EML6: variants seen among roughly 807,000 people sequenced by gnomAD.
EML6 encodes echinoderm microtubule-associated protein-like 6.
In EML6, 154 loss-of-function variants were observed where a neutral mutation model predicts 240.1. That is an observed-to-expected ratio of 0.64 (90% CI 0.56 to 0.73). The LOEUF is 0.73. Among genes scored for constraint, EML6 ranks in the 30% least tolerant of loss-of-function variants. EML6 has a pLI of 0.00. For synonymous variants in EML6, 1,148 were observed against 899.0 expected (o/e 1.28, Z -4.95); for missense variants, 2,964 against 2,474.6 (o/e 1.20, Z -4.20).
chr2:54,799,055 C>A (rs776163349), intron 2 of EML6, among the ~76,000 whole-genome samples: 2 of 151,988 alleles, frequency 1.3e-5, no homozygotes, highest in Non-Finnish European at 2.9e-5. Context: ...CTTTATTCTG[C>A]TATATATTCT....
chr2:54,731,614 C>CA (rs59545974), intron 2 of EML6, among the ~76,000 whole-genome samples: 48,997 of 148,776 alleles, frequency 0.33, 9,447 homozygotes, highest in African/African-American at 0.54. Context: ...AAGACCCTGT[C>CA]AAAAAAAATA....
At chr2:54,848,524 T>TACACACACACACACACAC (rs59587579) in intron 9 of EML6, among the ~76,000 whole-genome samples, 18,733 of 145,596 alleles carry the variant, frequency 0.13, 1,264 homozygotes, top group South Asian at 0.16. Context: ...GCTTCCACAC[T>TACACACACACACACACAC]ACACACACAC....
intron 10 of EML6, among the ~76,000 whole-genome samples, chr2:54,850,626 G>T (rs1670027232): frequency 6.6e-6 from 1 of 151,752 alleles, no homozygotes; most frequent in African/African-American, 2.4e-5. Context: ...ACCAATAAAA[G>T]ACTAGGAATC....
chr2:54,731,365 A>G (rs1488737290), intron 2 of EML6, among the ~76,000 whole-genome samples: 1 of 152,162 alleles, frequency 6.6e-6, no homozygotes, highest in Non-Finnish European at 1.5e-5. Flanking sequence ...CAGAAATATG[A>G]GTCCAGGCTC....
In EML6 at chr2:54,954,030, C is replaced by T. The variant is rs1676114230; in HGVS notation, c.4360C>T (p.Leu1454Phe). The part of the protein sequence containing the change: ...HIWDAMTKHT[L>F]SMLRCFHSKG... Reference sequence around the variant, plus strand: ...ATGGGACGCCATGACCAAACACACCCTCTCCATGCTGCGGTGCTTCCACTC... The same window carrying T: ...ATGGGACGCCATGACCAAACACACCTTCTCCATGCTGCGGTGCTTCCACTC... Residue 1454 changes from leucine to phenylalanine, a missense_variant, in exon 32 of 42, where the codon CTC becomes TTC. Coordinates refer to ENST00000356458, the MANE Select transcript of EML6 (RefSeq NM_001039753.4). 1 of 1,551,930 alleles carries T rather than the reference C, an allele frequency of 6.4e-7. No homozygotes were observed. Among genetic ancestry groups the T allele is most frequent in the African/African-American group, 1.4e-5 (1 of 73,036 alleles).
At chr2:54,754,554 T>C (rs767420434) in intron 2 of EML6, among the ~76,000 whole-genome samples, 7 of 152,232 alleles carry the variant, frequency 4.6e-5, no homozygotes, top group Non-Finnish European at 1.0e-4. Context: ...CTTATTGATA[T>C]ATATGAGTTA....
chr2:54,920,508 C>CT (rs1236568076), intron 26 of EML6, among the ~76,000 whole-genome samples: 2 of 152,148 alleles, frequency 1.3e-5, no homozygotes, highest in Non-Finnish European at 2.9e-5. Context: ...GAGATTGAAT[C>CT]TGTAATCAAG....
At chr2:54,926,957 A>T (rs1465585800) in intron 26 of EML6, among the ~76,000 whole-genome samples, 6 of 152,196 alleles carry the variant, frequency 3.9e-5, no homozygotes, top group Non-Finnish European at 7.4e-5. Context: ...CTGTAAAGAA[A>T]CAGCTTGCAT....
chr2:54,816,994 T>C (rs543673834), intron 4 of EML6, 109 bp downstream of exon 4: 1 of 693,456 alleles, frequency 1.4e-6, no homozygotes, highest in South Asian at 1.8e-5. Context: ...AGTATACATT[T>C]TTTCCTATTA....
intron 21 of EML6, among the ~76,000 whole-genome samples, chr2:54,896,460 C>G (rs1476417417): frequency 2.0e-5 from 3 of 151,978 alleles, no homozygotes; most frequent in Non-Finnish European, 4.4e-5. Context: ...CTTTTAGGAG[C>G]CAAGAAATGA....
At chr2:54,758,872 A>G (rs1667854735) in intron 2 of EML6, among the ~76,000 whole-genome samples, 1 of 152,080 alleles carries the variant, frequency 6.6e-6, no homozygotes, top group South Asian at 2.1e-4. Flanking sequence ...TTCATAGAGC[A>G]ATGTAGGGTA....
intron 26 of EML6, among the ~76,000 whole-genome samples, chr2:54,921,585 A>C (rs1674256307): frequency 6.6e-6 from 1 of 152,162 alleles, no homozygotes; most frequent in Non-Finnish European, 1.5e-5. Flanking sequence ...AACAACCTTA[A>C]AATGTGTATG....
At chr2:54,762,836 G>A (rs79747400) in intron 2 of EML6, among the ~76,000 whole-genome samples, 3,651 of 152,136 alleles carry the variant, frequency 0.024, 146 homozygotes, top group African/African-American at 0.083. Flanking sequence ...TCTTTTAGTG[G>A]GACTGGTATT....
At chr2:54,796,819 A>G (rs1342910328) in intron 2 of EML6, among the ~76,000 whole-genome samples, 1 of 152,044 alleles carries the variant, frequency 6.6e-6, no homozygotes, top group African/African-American at 2.4e-5. Context: ...GCTATTATAG[A>G]GGGTTAAGTG....
At position 54,924,783 on chromosome 2, in the gene EML6, G is replaced by A. The variant is rs185937954; in HGVS notation, c.3676-3530G>A. Among the ~76,000 whole-genome samples the A allele has an allele frequency of 7.1e-3, 1,083 of 152,174 alleles. 8 individuals carry two copies. The highest frequency in any genetic ancestry group is 0.013 in the Admixed American group (199 of 15,284). The stretch of plus-strand genomic sequence containing the variant: ...TCGCCGTGTTGGCCAGACTGGTCTC[G>A]AACTCCTGACCTCAGGTGATCCACC... On this transcript the variant is annotated intron_variant, in intron 26 of 41. Coordinates refer to ENST00000356458, the MANE Select transcript of EML6 (RefSeq NM_001039753.4).
chr2:54,863,963 A>G, intron 13 of EML6, 74 bp downstream of exon 13: 1 of 761,546 alleles, frequency 1.3e-6, no homozygotes, highest in Non-Finnish European at 2.1e-6. Context: ...ACATAGCACT[A>G]AAAATGACTG....
chr2:54,960,395 C>CCAGCCGGCA, intron 35 of EML6, 61 bp downstream of exon 35: 2 of 1,238,522 alleles, frequency 1.6e-6, no homozygotes, highest in East Asian at 5.1e-5. Context: ...AGGTACCCTC[C>CCAGCCGGCA]CAGCCGGCAC....
At position 54,816,812 on chromosome 2, in the gene EML6, C is replaced by T; in HGVS notation, c.383C>T (p.Ala128Val). ...CGTTTAGCCTCTGTGGGGTTGGATG[C>T]CAAAAACACAGTCTGCATTTGGGAC... ...GQRLASVGLD[A>V]KNTVCIWDWR... Residue 128 changes from alanine (A) to valine (V), a missense_variant, in exon 4 of 42, where the codon GCC becomes GTC. Ala to Val is a moderately conservative substitution (Grantham distance 64, BLOSUM62 0). Transcript: ENST00000356458. 1 of 1,551,266 alleles carries T rather than the reference C, an allele frequency of 6.4e-7. No homozygotes were observed. Among genetic ancestry groups the T allele is most frequent in the East Asian group, 2.4e-5 (1 of 40,918 alleles).
chr2:54,957,577 G>A (rs992258083), intron 32 of EML6, among the ~76,000 whole-genome samples: 5 of 152,150 alleles, frequency 3.3e-5, no homozygotes, highest in Non-Finnish European at 5.9e-5. Flanking sequence ...CTGGGTTGGG[G>A]GATCTGTTAC....
Sources: gnomAD v4.1 joint callset for allele counts (sites outside exome capture counted in the v4.1 genomes callset) on GRCh38, gnomAD v4.1.1 for gene constraint, MANE v1.5 for transcripts, NCBI Gene and HGNC (gene_info 2026-07-23, HGNC 2026-07-21) for gene names.